Variants in MYH13 observed in about 807,000 individuals in gnomAD.
MYH13 encodes the protein myosin-13.
In MYH13, 177 loss-of-function variants were observed where a neutral mutation model predicts 232.1. That is an observed-to-expected ratio of 0.76 (90% confidence interval 0.67 to 0.86). The LOEUF (loss-of-function observed/expected upper bound fraction) is 0.86. MYH13 is among the 40% of genes least tolerant of loss of function. The pLI is 0.00. For synonymous variants in MYH13, 884 were observed against 923.5 expected, an observed-to-expected ratio of 0.96 and a Z score of 0.78; for missense variants, 2,246 against 2,405.9, an observed-to-expected ratio of 0.93 and a Z score of 1.39.
intron 14 of MYH13, 28 bp from the exon 15 acceptor site, chr17:10,345,400 G>C: frequency 6.2e-7 from 1 of 1,614,208 alleles, no homozygotes; most frequent in Non-Finnish European, 8.5e-7. Flanking sequence ...CAAAGAATTT[G>C]AGTGAGCTTG....
chr17:10,303,373 G>A, intron 38 of MYH13, 21 bp downstream of exon 38: 1 of 1,613,110 alleles, frequency 6.2e-7, no homozygotes, highest in Non-Finnish European at 8.5e-7. Flanking sequence ...CATTCACTGA[G>A]GAGGTTTTTG....
In MYH13 at chr17:10,306,971, C is replaced by A. The variant is rs768932070; in HGVS notation, c.5263G>T (p.Ala1755Ser). Residue 1755 changes from alanine to serine, a missense_variant, in exon 36 of 41, where the codon GCA (alanine) becomes TCA (serine). Physicochemically the swap from Ala to Ser is moderately conservative, Grantham distance 99 (BLOSUM62 1). Transcript: ENST00000252172. The surrounding 1 kb of genome is among the most constrained non-coding windows in gnomAD (Gnocchi z 4.3). ...ATGGCCTTCTTGGCCTTCTCCTCTGCGTTCCTGGACTCCTGGATCGAGTTC... is the reference window on the plus strand; with the variant it reads ...ATGGCCTTCTTGGCCTTCTCCTCTGAGTTCCTGGACTCCTGGATCGAGTTC... ...VENSIQESRN[A>S]EEKAKKAITD... 3 of 1,613,866 alleles carry A rather than the reference C, an allele frequency of 1.9e-6. No individual in the cohort carries two copies. The highest frequency in any genetic ancestry group is 2.7e-5 in the African/African-American group (2 of 74,924).
intron 39 of MYH13, among the ~76,000 whole-genome samples, chr17:10,302,171 G>T (rs1287473083): frequency 6.6e-6 from 1 of 152,250 alleles, no homozygotes; most frequent in East Asian, 1.9e-4. Flanking sequence ...CTAGCCTGCC[G>T]ATCCTGCTGG....
At position 10,354,969 on chromosome 17, in the gene MYH13, G is replaced by C. The variant is rs752162824; in HGVS notation, c.827C>G (p.Thr276Arg). The change falls in exon 10 of 41, where the codon ACG becomes AGG. Residue 276 changes from threonine to arginine, a missense_variant. Thr to Arg is a moderately conservative substitution (Grantham distance 71, BLOSUM62 -1). Coordinates refer to ENST00000252172, the MANE Select transcript of MYH13 (RefSeq NM_003802.3). ...ETYLLEKSRV[T>R]FQLSSERSYH... Reference sequence around the variant, plus strand: ...GCTTCTCTCACTGGATAATTGAAACGTCACTCTGGATTTTTCTAACAGATC... The same window carrying C: ...GCTTCTCTCACTGGATAATTGAAACCTCACTCTGGATTTTTCTAACAGATC... 1.0e-4 allele frequency: 165 copies of C among 1,609,498 alleles called. No homozygotes were observed. The highest frequency in any genetic ancestry group is 1.4e-4 in the Non-Finnish European group (162 of 1,175,982).
intron 23 of MYH13, among the ~76,000 whole-genome samples, chr17:10,323,544 G>A (rs1471937788): frequency 1.3e-5 from 2 of 151,980 alleles, no homozygotes; most frequent in Admixed American, 1.3e-4. Flanking sequence ...GATCACCTGA[G>A]GTAAGGAGTT....
At chr17:10,346,029 AAATC>A (rs1250319087) in intron 13 of MYH13, among the ~76,000 whole-genome samples, 1 of 148,200 alleles carries the variant, frequency 6.7e-6, no homozygotes, top group Non-Finnish European at 1.5e-5. Flanking sequence ...GAAAAAAAGA[AAATC>A]AAAAGCAGTT....
chr17:10,372,299 T>C (rs1345609021), intron 1 of MYH13, among the ~76,000 whole-genome samples: 1 of 152,188 alleles, frequency 6.6e-6, no homozygotes, highest in African/African-American at 2.4e-5. Flanking sequence ...TTCCGTAAAA[T>C]GAATCAGATG....
chr17:10,364,350 T>A lies in MYH13; in HGVS notation c.181A>T (p.Ile61Leu). 6.2e-7 allele frequency: 1 copy of A among 1,613,884 alleles called. No individual in the cohort carries two copies. ...MIQTRENDKVIVKTLDDRMLT... is the reference protein window; with the variant it reads ...MIQTRENDKVLVKTLDDRMLT... ...ACCCGGTCATCGAGGGTCTTGACTA[T>A]GACTTTGTCATTTTCCCTAGTCTGG... The change falls in exon 3 of 41, where the codon ATA becomes TTA. Residue 61 changes from isoleucine to leucine, a missense_variant. Coordinates refer to ENST00000252172, the MANE Select transcript of MYH13 (RefSeq NM_003802.3).
rs2071801732 is a variant in MYH13, at chr17:10,362,441, C to T, written c.267G>A (p.Glu89=). ...PMNPPKFDKI[E]DMAMMTHLHE... is the part of the protein sequence containing the mutation. ...GCAGGTGAGTCATCATGGCCATGTC[C>T]TCGATCTTGTCAAATTTGGGAGGGT... Residue 89 remains glutamate, a synonymous_variant, in exon 4 of 41, where the codon GAG becomes GAA. Coordinates refer to ENST00000252172, the MANE Select transcript of MYH13 (RefSeq NM_003802.3). The T allele has an allele frequency of 1.2e-6, 2 of 1,614,030 alleles. No homozygotes were observed. Among genetic ancestry groups the T allele is most frequent in the African/African-American group, 1.3e-5 (1 of 74,882 alleles).
intron 16 of MYH13, among the ~76,000 whole-genome samples, chr17:10,343,128 G>A (rs9898203): frequency 0.78 from 115,417 of 148,146 alleles, 45,551 homozygotes; most frequent in East Asian, 0.88. Context: ...CATGGGTTAC[G>A]GGGGTGTGAA....
At chr17:10,319,200 G>C (rs1268291215) in intron 26 of MYH13, 21 bp from the exon 27 acceptor site, 1 of 1,603,670 alleles carries the variant, frequency 6.2e-7, no homozygotes, top group Non-Finnish European at 8.5e-7. Context: ...TACTCTATCA[G>C]GAATGTTATT....
At chr17:10,316,426 A>C (rs1020520299) in intron 27 of MYH13, among the ~76,000 whole-genome samples, 23 of 151,910 alleles carry the variant, frequency 1.5e-4, no homozygotes, top group Admixed American at 1.1e-3. Context: ...ATGCCATTGC[A>C]CTCTAGCCTT....
rs1414313995 is a variant in MYH13 at position 10,304,246 on chromosome 17, C to G, written c.5467-748G>C. 6.6e-6 allele frequency among the ~76,000 whole-genome samples: 1 copy of G among 152,182 alleles called. No individual in the cohort carries two copies. Among genetic ancestry groups the G allele is most frequent in the Non-Finnish European group, 1.5e-5 (1 of 68,040 alleles). Reference sequence around the variant, plus strand: ...TAAACCTGCACGTTCTGCACATGTACCCCAGAACTTAAAGTTAGAACAAAA... The same window carrying G: ...TAAACCTGCACGTTCTGCACATGTAGCCCAGAACTTAAAGTTAGAACAAAA... On this transcript the variant is annotated intron_variant, in intron 37 of 40. Transcript: ENST00000252172. This position sits in a 1 kb window ranked among gnomAD's most constrained non-coding sequence, Gnocchi z 5.3.
intron 2 of MYH13, among the ~76,000 whole-genome samples, chr17:10,366,269 C>A (rs2071836120): frequency 6.6e-6 from 1 of 152,034 alleles, no homozygotes; most frequent in Non-Finnish European, 1.5e-5. Context: ...TCCCTTCTCT[C>A]CTCTTTTCCT....
At chr17:10,303,883 A>T (rs1906189445) in intron 37 of MYH13, among the ~76,000 whole-genome samples, 1 of 152,200 alleles carries the variant, frequency 6.6e-6, no homozygotes, top group Non-Finnish European at 1.5e-5. Context: ...AATGCCCATA[A>T]ATGATAGACT....
chr17:10,364,600 G>A (rs867434877), intron 2 of MYH13, 58 bp from the exon 3 acceptor site: 349 of 1,427,378 alleles, frequency 2.4e-4, no homozygotes, highest in Middle Eastern at 4.4e-4. Flanking sequence ...GAAGCTGCAG[G>A]GCCCCTACCC....
Position 10,359,903 on chromosome 17 carries a change from C to CA in MYH13, c.645+56dup. On this transcript the variant is annotated intron_variant, in intron 7 of 40. Transcript: ENST00000252172. ...ACCCTGCATACACTTGGTGCTCATC[C>CA]ACGCTTTAAAGTATACTTATTCCAG... is the stretch of plus-strand genomic sequence containing the variant. 4 of 1,492,520 alleles carry CA rather than the reference C, an allele frequency of 2.7e-6. No homozygotes were observed. The South Asian group carries it at 4.5e-5, about 17-fold the overall frequency. The allele number at this position is 1,492,520 out of a possible 1,614,324, so 92.5% of individuals were successfully genotyped here.
chr17:10,328,028 C>T lies in MYH13; in HGVS notation c.2529G>A (p.Leu843=). Residue 843 remains leucine (L), a synonymous_variant, in exon 22 of 41, where the codon CTG becomes CTA. Coordinates refer to ENST00000252172, the MANE Select transcript of MYH13 (RefSeq NM_003802.3). Reference sequence around the variant, plus strand: ...CCTTCTCGGCCTCTGCACTCTTCAGCAGGGGCTTGATTTTGAAGAACAGGT... The same window carrying T: ...CCTTCTCGGCCTCTGCACTCTTCAGTAGGGGCTTGATTTTGAAGAACAGGT... ...WMNLFFKIKP[L]LKSAEAEKEM... 2 of 1,614,198 alleles carry T rather than the reference C, an allele frequency of 1.2e-6. No homozygotes were observed. Among genetic ancestry groups the T allele is most frequent in the Non-Finnish European group, 1.7e-6 (2 of 1,180,042 alleles).
At chr17:10,365,360 T>C (rs1461059316) in intron 2 of MYH13, among the ~76,000 whole-genome samples, 2 of 152,246 alleles carry the variant, frequency 1.3e-5, no homozygotes, top group Admixed American at 6.5e-5. Flanking sequence ...AATAACAAGA[T>C]GATGGGAGGC....
Sources: gnomAD v4.1 joint callset for allele counts (sites outside exome capture counted in the v4.1 genomes callset) on GRCh38, gnomAD v4.1.1 for gene constraint, Gnocchi (gnomAD v3.1) non-coding constraint, MANE v1.5 for transcripts, NCBI Gene and HGNC (gene_info 2026-07-23, HGNC 2026-07-21) for gene names.